Variants in ARHGAP24 observed in about 807,000 individuals in gnomAD.
The protein encoded by ARHGAP24 is rho GTPase-activating protein 24.
Under a neutral mutation model 76.4 loss-of-function variants are expected in ARHGAP24, and 50 were observed. The observed-to-expected ratio is 0.65, with a 90% CI of 0.52 to 0.83. The LOEUF (loss-of-function observed/expected upper bound fraction) is 0.83. Among genes scored for constraint, ARHGAP24 ranks in the 40% least tolerant of loss-of-function variants. The pLI, the probability that ARHGAP24 is intolerant of heterozygous loss-of-function variation, is 0.00. For missense variants in ARHGAP24, 930 were observed against 914.2 expected, an observed-to-expected ratio of 1.02 and a Z score of -0.22; for synonymous variants, 345 against 323.3, an observed-to-expected ratio of 1.07 and a Z score of -0.72.
chr4:85,828,232 T>C (rs1162965713), intron 3 of ARHGAP24, among the ~76,000 whole-genome samples: 2 of 152,210 alleles, frequency 1.3e-5, no homozygotes, highest in Admixed American at 1.3e-4. Flanking sequence ...TTGGATTCTT[T>C]CGTTAATCGC....
At chr4:85,859,068 T>G (rs1214035051) in intron 3 of ARHGAP24, among the ~76,000 whole-genome samples, 1 of 152,100 alleles carries the variant, frequency 6.6e-6, no homozygotes, top group Non-Finnish European at 1.5e-5. Context: ...TTTCACACAT[T>G]GCTGCAGGTT....
At chr4:85,570,764 C>CA in intron 2 of ARHGAP24, 43 bp downstream of exon 2, 1 of 1,605,962 alleles carries the variant, frequency 6.2e-7, no homozygotes, top group Non-Finnish European at 8.5e-7. Flanking sequence ...CTAAGAAAGC[C>CA]AAGAAATAGA....
intron 2 of ARHGAP24, among the ~76,000 whole-genome samples, chr4:85,583,853 A>G (rs933437878): frequency 4.0e-5 from 6 of 149,712 alleles, no homozygotes; most frequent in African/African-American, 1.5e-4. Context: ...GCTCACCATC[A>G]CTGGCCATCA....
chr4:85,935,662 T>A (rs1051285545), intron 4 of ARHGAP24, among the ~76,000 whole-genome samples: 12 of 152,204 alleles, frequency 7.9e-5, no homozygotes, highest in African/African-American at 2.9e-4. Flanking sequence ...CCTGCCATCT[T>A]CAAATCTGTT....
At chr4:85,933,385 T>C (rs1456310127) in intron 4 of ARHGAP24, among the ~76,000 whole-genome samples, 1 of 152,180 alleles carries the variant, frequency 6.6e-6, no homozygotes, top group Non-Finnish European at 1.5e-5. Flanking sequence ...TGAGTAAAAG[T>C]TTCCAGAGGC....
intron 3 of ARHGAP24, among the ~76,000 whole-genome samples, chr4:85,797,579 G>C (rs964013636): frequency 6.6e-6 from 1 of 152,230 alleles, no homozygotes; most frequent in African/African-American, 2.4e-5. Flanking sequence ...GATGTTAGCA[G>C]GATTTGCTTT....
chr4:85,976,102 A>G (rs1402313475), intron 7 of ARHGAP24, among the ~76,000 whole-genome samples: 1 of 152,234 alleles, frequency 6.6e-6, no homozygotes, highest in African/African-American at 2.4e-5. Context: ...AGTAAAAGGG[A>G]TGAAAAAGCT....
chr4:85,818,402 T>C (rs1262513654), intron 3 of ARHGAP24, among the ~76,000 whole-genome samples: 1 of 152,194 alleles, frequency 6.6e-6, no homozygotes, highest in Non-Finnish European at 1.5e-5. Flanking sequence ...CAAGCTAACA[T>C]TAAAAATAAT....
At chr4:85,615,636 G>A (rs1039265003) in intron 2 of ARHGAP24, among the ~76,000 whole-genome samples, 5 of 152,050 alleles carry the variant, frequency 3.3e-5, no homozygotes, top group African/African-American at 1.2e-4. Flanking sequence ...AATATTAATT[G>A]AGAATATATA....
intron 2 of ARHGAP24, among the ~76,000 whole-genome samples, chr4:85,626,722 G>T (rs940243649): frequency 6.6e-6 from 1 of 152,096 alleles, no homozygotes; most frequent in African/African-American, 2.4e-5. Flanking sequence ...CCAATCAGAC[G>T]TAGATTTGGT....
At chr4:85,940,075 G>A (rs1216451729) in intron 4 of ARHGAP24, among the ~76,000 whole-genome samples, 1 of 152,048 alleles carries the variant, frequency 6.6e-6, no homozygotes, top group East Asian at 1.9e-4. Flanking sequence ...CACAGAAAGG[G>A]TCAATATTCT....
intron 1 of ARHGAP24, among the ~76,000 whole-genome samples, chr4:85,532,663 A>G (rs1347703917): frequency 6.6e-6 from 1 of 152,162 alleles, no homozygotes; most frequent in Non-Finnish European, 1.5e-5. Context: ...TACCGTGAAC[A>G]TTCGAGCAGT....
chr4:85,976,553 T>G (rs1247890287), intron 7 of ARHGAP24, among the ~76,000 whole-genome samples: 1 of 152,176 alleles, frequency 6.6e-6, no homozygotes, highest in Non-Finnish European at 1.5e-5. Context: ...TTTTCATTAT[T>G]TCCTCTTTAT....
Position 85,972,075 on chromosome 4 carries a change from G to A in ARHGAP24, c.639G>A (p.Leu213=). The A allele has an allele frequency of 1.2e-6, 2 of 1,613,966 alleles. No homozygotes were observed. The highest frequency in any genetic ancestry group is 1.7e-6 in the Non-Finnish European group (2 of 1,179,980). ...ACACGGTGGCATCACTTCTTAAGCT[G>A]TACCTCCGAGAACTTCCAGAACCAG... ...DVHTVASLLK[L]YLRELPEPVI... The change falls in exon 6 of 10, where the codon CTG becomes CTA. Residue 213 remains leucine (L), a synonymous_variant. Coordinates refer to ENST00000395184, the MANE Select transcript of ARHGAP24 (RefSeq NM_001025616.3).
At chr4:85,674,726 A>G (rs1578130812) in intron 2 of ARHGAP24, among the ~76,000 whole-genome samples, 1 of 152,188 alleles carries the variant, frequency 6.6e-6, no homozygotes, top group African/African-American at 2.4e-5. Context: ...AATCTGTGTA[A>G]TGTTGCTATG....
intron 1 of ARHGAP24, among the ~76,000 whole-genome samples, chr4:85,516,810 T>TA (rs1220211992): frequency 2.6e-5 from 4 of 152,180 alleles, no homozygotes; most frequent in Non-Finnish European, 5.9e-5. Context: ...TTATGGTATG[T>TA]AATTGATTGG....
At chr4:85,766,871 A>G (rs913174568) in intron 3 of ARHGAP24, among the ~76,000 whole-genome samples, 15 of 152,196 alleles carry the variant, frequency 9.9e-5, no homozygotes, top group East Asian at 1.9e-4. Flanking sequence ...ACAGTCATGC[A>G]CTGCATAACA....
At chr4:85,610,541 A>T (rs1321417818) in intron 2 of ARHGAP24, among the ~76,000 whole-genome samples, 1 of 93,246 alleles carries the variant, frequency 1.1e-5, no homozygotes, top group Non-Finnish European at 2.5e-5. Flanking sequence ...CAGAATCACC[A>T]ACAGAAATAG....
At chr4:85,888,531 T>C (rs1405022972) in intron 3 of ARHGAP24, among the ~76,000 whole-genome samples, 2 of 152,162 alleles carry the variant, frequency 1.3e-5, no homozygotes, top group Non-Finnish European at 2.9e-5. Context: ...TCAAAAAAGT[T>C]TAAACTCTGT....
Sources: gnomAD v4.1 joint callset for allele counts (sites outside exome capture counted in the v4.1 genomes callset) on GRCh38, gnomAD v4.1.1 for gene constraint, MANE v1.5 for transcripts, NCBI Gene and HGNC (gene_info 2026-07-23, HGNC 2026-07-21) for gene names.